Variants in ORC3 observed in about 807,000 individuals in gnomAD.
ORC3 encodes homolog of latheo, Drosophila.
In ORC3, 78 loss-of-function variants were observed where a neutral mutation model predicts 100.7. The ratio of observed to expected loss-of-function variants is 0.77; its 90% CI spans 0.65 to 0.94. ORC3 has a LOEUF of 0.94. Ranked by LOEUF, ORC3 falls within the 40% of genes least tolerant of loss-of-function variation. ORC3 has a pLI of 0.00. For synonymous variants in ORC3, 295 were observed against 289.3 expected (o/e 1.02, Z -0.20); for missense variants, 789 against 823.9 (o/e 0.96, Z 0.52).
At chr6:87,613,153 G>A (rs1477703102) in intron 8 of ORC3, among the ~76,000 whole-genome samples, 1 of 152,160 alleles carries the variant, frequency 6.6e-6, no homozygotes, top group Non-Finnish European at 1.5e-5. Context: ...GAGGTTTAAT[G>A]GACTCATAGT....
intron 14 of ORC3, among the ~76,000 whole-genome samples, chr6:87,654,418 A>T (rs956749429): frequency 1.3e-5 from 2 of 152,220 alleles, no homozygotes; most frequent in Non-Finnish European, 2.9e-5. Context: ...CATGAACTCA[A>T]CCACTCTTCA....
chr6:87,676,805 G>GCA, the ORC3 span, among the ~76,000 whole-genome samples: 1 of 150,016 alleles, frequency 6.7e-6, no homozygotes, highest in Non-Finnish European at 1.5e-5. Flanking sequence ...GGCCGGGCAT[G>GCA]GTGGCTTACG....
intron 11 of ORC3, among the ~76,000 whole-genome samples, chr6:87,627,087 T>C (rs939765369): frequency 6.6e-6 from 1 of 151,908 alleles, no homozygotes; most frequent in Non-Finnish European, 1.5e-5. Context: ...AACCTCCACC[T>C]CCCAGGTTCA....
At chr6:87,622,066 G>A in intron 11 of ORC3, 53 bp downstream of exon 11, 1 of 1,118,940 alleles carries the variant, frequency 8.9e-7, no homozygotes, top group Non-Finnish European at 1.4e-6. Flanking sequence ...TCATAAAGAA[G>A]AATATGCATG....
intron 12 of ORC3, among the ~76,000 whole-genome samples, chr6:87,635,738 A>C (rs1767766635): frequency 6.6e-6 from 1 of 151,892 alleles, no homozygotes; most frequent in Admixed American, 6.6e-5. Flanking sequence ...CGGAGGTTGC[A>C]CTGAGCTGAG....
Position 87,612,175 on chromosome 6 carries a change from T to C in ORC3, c.800T>C (p.Val267Ala). 1 of 1,613,120 alleles carries C rather than the reference T, an allele frequency of 6.2e-7. No individual in the cohort carries two copies. The highest frequency in any genetic ancestry group is 2.2e-5 in the East Asian group (1 of 44,800). The stretch of plus-strand genomic sequence containing the variant: ...ATCCACCGATTGCTTCCTCATGCAG[T>C]ATCATCTCTATTGTGCATAGAACTG... Reference protein sequence around the residue: ...IIIHRLLPHAVSSLLCIELFQ... With the variant: ...IIIHRLLPHAASSLLCIELFQ... The change falls in exon 8 of 20, where the codon GTA becomes GCA. Residue 267 changes from valine (V) to alanine (A), a missense_variant. This residue lies in a region of ORC3 where 399 missense variants were observed against 382.0 expected (regional missense o/e 1.04). Transcript: ENST00000392844.
chr6:87,659,066 T>TC (rs1416408256), intron 16 of ORC3, among the ~76,000 whole-genome samples: 2 of 145,286 alleles, frequency 1.4e-5, no homozygotes, highest in East Asian at 3.9e-4. Flanking sequence ...TAATTTTTTT[T>TC]TTTTTTTTTT....
intron 13 of ORC3, among the ~76,000 whole-genome samples, chr6:87,649,065 C>G (rs1443758721): frequency 8.5e-5 from 13 of 152,202 alleles, no homozygotes; most frequent in African/African-American, 3.1e-4. Flanking sequence ...TGGTTTTCTT[C>G]TAGTATTTTA....
rs1486360140 is a variant in ORC3, at chr6:87,658,081, T to A, written c.1691+63T>A. 4 of 853,276 alleles carry A rather than the reference T, an allele frequency of 4.7e-6. No homozygotes were observed. In the East Asian group the frequency reaches 9.7e-5, roughly 21 times the overall value. The allele number at this position is 853,276 out of a possible 1,614,324, so 52.9% of individuals were successfully genotyped here. On this transcript the variant is annotated intron_variant, in intron 16 of 19. Transcript: ENST00000392844. ...GCTGTTTTTCCAAATAACACTGGTGTCATAGCTGTCTATAGCCAATCCAGA... is the reference window on the plus strand; with the variant it reads ...GCTGTTTTTCCAAATAACACTGGTGACATAGCTGTCTATAGCCAATCCAGA...
chr6:87,634,151 T>C (rs1160195812), intron 11 of ORC3, among the ~76,000 whole-genome samples: 1 of 152,174 alleles, frequency 6.6e-6, no homozygotes, highest in Non-Finnish European at 1.5e-5. Flanking sequence ...TGCATAGATT[T>C]CTTAAGACAC....
chr6:87,671,847 C>T (rs547323096), downstream of ORC3, among the ~76,000 whole-genome samples: 1 of 152,272 alleles, frequency 6.6e-6, no homozygotes, highest in East Asian at 1.9e-4. Context: ...CCAAACTTAA[C>T]AGCCTGGAAA....
intron 13 of ORC3, among the ~76,000 whole-genome samples, chr6:87,644,079 C>CTTTTTTTTTTTTTTTTTTTTTTTTTTTT (rs1156943778): frequency 1.9e-5 from 1 of 51,426 alleles, no homozygotes; most frequent in Non-Finnish European, 3.3e-5. Flanking sequence ...GCTGACTGTC[C>CTTTTTTTTTTTTTTTTTTTTTTTTTTTT]TTTTTTTTTT....
intron 13 of ORC3, among the ~76,000 whole-genome samples, chr6:87,650,732 G>T (rs1384087279): frequency 2.9e-4 from 44 of 152,254 alleles, no homozygotes. Context: ...ACTAGACTGG[G>T]TGCAGTGGCT....
chr6:87,670,894 C>T (rs62417753), downstream of ORC3, among the ~76,000 whole-genome samples: 5,407 of 152,184 alleles, frequency 0.036, 123 homozygotes, highest in Middle Eastern at 0.054. Flanking sequence ...ATTGAGATGA[C>T]GTTTGTGCAA....
At chr6:87,624,184 G>GA (rs760948934) in intron 11 of ORC3, among the ~76,000 whole-genome samples, 3 of 151,688 alleles carry the variant, frequency 2.0e-5, no homozygotes, top group Non-Finnish European at 4.4e-5. Flanking sequence ...AAGTGTCTAA[G>GA]AAAAAATGAA....
chr6:87,625,065 T>C (rs1408311750), intron 11 of ORC3, among the ~76,000 whole-genome samples: 1 of 152,246 alleles, frequency 6.6e-6, no homozygotes, highest in Non-Finnish European at 1.5e-5. Flanking sequence ...ATGGTGTATA[T>C]GTGCCACATT....
At chr6:87,637,018 C>T (rs1024701210) in intron 13 of ORC3, among the ~76,000 whole-genome samples, 3 of 152,086 alleles carry the variant, frequency 2.0e-5, no homozygotes, top group African/African-American at 7.2e-5. Context: ...AATAAAATAT[C>T]TTAGTGTTAA....
At chr6:87,607,900 C>A in intron 6 of ORC3, 76 bp downstream of exon 6, 1 of 931,146 alleles carries the variant, frequency 1.1e-6, no homozygotes, top group Non-Finnish European at 1.6e-6. Context: ...TTAGACAGTA[C>A]TGTTTTGATC....
intron 1 of ORC3, 48 bp downstream of exon 1, chr6:87,590,240 C>T: frequency 1.3e-6 from 2 of 1,596,300 alleles, no homozygotes; most frequent in East Asian, 2.2e-5. Context: ...GCCTCATTCC[C>T]CTTTGAAGAA....
Sources: gnomAD v4.1 joint callset for allele counts (sites outside exome capture counted in the v4.1 genomes callset) on GRCh38, gnomAD v4.1.1 for gene constraint, gnomAD v4.1.1 regional missense constraint, MANE v1.5 for transcripts, NCBI Gene and HGNC (gene_info 2026-07-23, HGNC 2026-07-21) for gene names.